Variants in ERC2 observed in about 807,000 individuals in gnomAD.
ERC2 encodes the protein ERC protein 2.
Under a neutral mutation model 114.8 loss-of-function variants are expected in ERC2, and 42 were observed. That is an observed-to-expected ratio of 0.37 (90% CI 0.29 to 0.47). The LOEUF (loss-of-function observed/expected upper bound fraction) is 0.47, where lower values mean the gene tolerates loss of function less well. ERC2 is among the 20% of genes least tolerant of loss of function. ERC2 has a pLI of 0.99. For synonymous variants in ERC2, 454 were observed against 425.5 expected (o/e 1.07, Z -0.82); for missense variants, 939 against 1,150.7 (o/e 0.82, Z 2.66).
intron 17 of ERC2, among the ~76,000 whole-genome samples, chr3:55,532,804 C>T (rs749848802): frequency 6.6e-6 from 1 of 152,164 alleles, no homozygotes; most frequent in Non-Finnish European, 1.5e-5. Context: ...CTCAGTTAAT[C>T]GGTTCACTTT....
intron 17 of ERC2, chr3:55,606,865 G>A (rs2058663443): frequency 6.6e-6 from 1 of 152,354 alleles, no homozygotes; most frequent in Admixed American, 6.5e-5. Context: ...GTTGGATCTC[G>A]AAGGAACTGG....
chr3:55,597,905 C>T (rs550574175), intron 17 of ERC2, among the ~76,000 whole-genome samples: 32 of 152,328 alleles, frequency 2.1e-4, no homozygotes, highest in African/African-American at 7.5e-4. Flanking sequence ...ATCATATCCA[C>T]TTACATAATA....
intron 14 of ERC2, among the ~76,000 whole-genome samples, chr3:55,881,485 T>G (rs2063116947): frequency 6.6e-6 from 1 of 152,198 alleles, no homozygotes; most frequent in South Asian, 2.1e-4. Flanking sequence ...TCAAAATATG[T>G]GACTATTAAG....
In ERC2 at chr3:55,824,042, T is replaced by C. The variant is rs114935960; in HGVS notation, c.2564+64347A>G. On this transcript the variant is annotated intron_variant, in intron 14 of 17. Coordinates refer to ENST00000288221, the MANE Select transcript of ERC2 (RefSeq NM_015576.3). ...ACATGGTCTTTTCTCTGTGCACATG[T>C]AACCCTGCTACCTCTATGCATGTCC... is the stretch of plus-strand genomic sequence containing the variant. Among the ~76,000 whole-genome samples the C allele has an allele frequency of 7.4e-3, 1,127 of 152,324 alleles. 14 individuals carry two copies. The highest frequency in any genetic ancestry group is 0.026 in the African/African-American group (1,063 of 41,568).
At chr3:55,759,598 C>G (rs181699578) in intron 14 of ERC2, among the ~76,000 whole-genome samples, 1 of 150,028 alleles carries the variant, frequency 6.7e-6, no homozygotes, top group East Asian at 2.0e-4. Context: ...CATTAAAATT[C>G]ACTGAAGTAT....
rs576294588 is a variant in ERC2 at position 56,043,078 on chromosome 3, G to A, written c.1642-24047C>T. 2.4e-4 allele frequency among the ~76,000 whole-genome samples: 37 copies of A among 152,250 alleles called. No individual in the cohort carries two copies. In the South Asian group the frequency reaches 7.3e-3, roughly 30 times the overall value. ...GGCTAAACGTATTGAGAGGATGGCA[G>A]AGCGGCCAAGAGGTCTGGAGCCCGC... On this transcript the variant is annotated intron_variant, in intron 7 of 17. Transcript: ENST00000288221.
At chr3:55,787,311 G>T (rs1003286226) in intron 14 of ERC2, among the ~76,000 whole-genome samples, 11 of 152,106 alleles carry the variant, frequency 7.2e-5, no homozygotes, top group African/African-American at 2.7e-4. Context: ...AGCTACTAGG[G>T]AAGCTGAGGC....
intron 3 of ERC2, among the ~76,000 whole-genome samples, chr3:56,214,139 C>A (rs1480013506): frequency 1.3e-5 from 2 of 152,186 alleles, no homozygotes; most frequent in African/African-American, 4.8e-5. Flanking sequence ...CAAAGCTGGA[C>A]AGAGAATGAC....
intron 7 of ERC2, among the ~76,000 whole-genome samples, chr3:56,049,763 T>C (rs778520710): frequency 6.6e-6 from 1 of 152,028 alleles, no homozygotes; most frequent in African/African-American, 2.4e-5. Flanking sequence ...AGATGGACTA[T>C]TGTGGGACCT....
intron 17 of ERC2, among the ~76,000 whole-genome samples, chr3:55,556,038 C>T (rs917197901): frequency 6.6e-6 from 1 of 152,112 alleles, no homozygotes. Flanking sequence ...TGGAAACTCC[C>T]GGGGCAGGAG....
intron 1 of ERC2, among the ~76,000 whole-genome samples, chr3:56,462,682 C>T (rs984458005): frequency 6.6e-6 from 1 of 152,128 alleles, no homozygotes; most frequent in Non-Finnish European, 1.5e-5. Context: ...TGGGCAAGTC[C>T]TTAACCCCTC....
At chr3:55,569,405 T>C (rs2056571951) in intron 17 of ERC2, among the ~76,000 whole-genome samples, 1 of 152,138 alleles carries the variant, frequency 6.6e-6, no homozygotes. Flanking sequence ...TGGGTCCCTA[T>C]GCCGAAGGGG....
chr3:56,372,058 T>C (rs1045371137), intron 2 of ERC2, among the ~76,000 whole-genome samples: 1 of 152,222 alleles, frequency 6.6e-6, no homozygotes, highest in Admixed American at 6.5e-5. Context: ...ATGAGAGGCA[T>C]ATGTTGCTTG....
At chr3:56,220,697 T>C (rs1428873253) in intron 3 of ERC2, among the ~76,000 whole-genome samples, 1 of 152,234 alleles carries the variant, frequency 6.6e-6, no homozygotes, top group Non-Finnish European at 1.5e-5. Flanking sequence ...CCACAGAGAA[T>C]ATCACTAGCT....
chr3:55,561,331 T>A (rs1477404149), intron 17 of ERC2, among the ~76,000 whole-genome samples: 3 of 152,094 alleles, frequency 2.0e-5, no homozygotes, highest in Admixed American at 1.3e-4. Context: ...GCTCAGAGGT[T>A]TTCATATCTA....
intron 6 of ERC2, among the ~76,000 whole-genome samples, chr3:56,118,838 G>C (rs1406335411): frequency 6.6e-6 from 1 of 151,930 alleles, no homozygotes; most frequent in African/African-American, 2.4e-5. Flanking sequence ...GGGTTTCACC[G>C]TGTTAACCAG....
intron 14 of ERC2, among the ~76,000 whole-genome samples, chr3:55,854,503 C>T (rs896797163): frequency 1.3e-5 from 2 of 152,172 alleles, no homozygotes; most frequent in South Asian, 2.1e-4. Context: ...GCAGAGACAA[C>T]CGCGGCTCTG....
intron 13 of ERC2, among the ~76,000 whole-genome samples, chr3:55,895,994 C>G (rs948484377): frequency 3.3e-5 from 5 of 152,156 alleles, no homozygotes; most frequent in Admixed American, 2.6e-4. Flanking sequence ...AACCCAGGAA[C>G]CTGTGAGTTT....
chr3:56,286,958 T>C (rs2054764358), intron 3 of ERC2, among the ~76,000 whole-genome samples: 1 of 152,232 alleles, frequency 6.6e-6, no homozygotes. Context: ...TTCATTCTTA[T>C]ATGTTATAGC....
Sources: allele counts gnomAD v4.1 joint callset (sites outside exome capture counted in the v4.1 genomes callset), GRCh38; gene constraint gnomAD v4.1.1; transcripts MANE v1.5; gene names NCBI Gene and HGNC (gene_info 2026-07-23, HGNC 2026-07-21).